The following C16orf96 variants were observed in gnomAD, a reference collection of about 807,000 sequenced individuals.
The protein encoded by C16orf96 is chromosome 16 open reading frame 96, also known as uncharacterized protein C16orf96.
In C16orf96, 108 loss-of-function variants were observed where a neutral mutation model predicts 103.6. That is an observed-to-expected ratio of 1.04 (90% CI 0.89 to 1.22). C16orf96 has a LOEUF of 1.22. Ranked by LOEUF, C16orf96 falls within the 50% of genes most tolerant of loss-of-function variation. The pLI, the probability that C16orf96 is intolerant of heterozygous loss-of-function variation, is 0.00. For missense variants in C16orf96, 1,586 were observed against 1,464.2 expected (o/e 1.08, Z -1.36); for synonymous variants, 566 against 593.5 (o/e 0.95, Z 0.67).
chr16:4,582,954 G>T (rs1487843922), intron 7 of C16orf96, among the ~76,000 whole-genome samples: 1 of 152,114 alleles, frequency 6.6e-6, no homozygotes, highest in African/African-American at 2.4e-5. Flanking sequence ...TTTCATTGCT[G>T]GCCAGGCTCG....
At chr16:4,551,927 G>A (rs542334951), upstream of C16orf96, among the ~76,000 whole-genome samples, 11 of 151,628 alleles carry the variant, frequency 7.3e-5, no homozygotes, top group African/African-American at 2.4e-4. Flanking sequence ...CCCACCCCAC[G>A]ACAGGCCCCG....
chr16:4,556,816 A>G lies in C16orf96; in HGVS notation c.327A>G (p.Glu109=). 1.3e-6 allele frequency: 2 copies of G among 1,551,642 alleles called. No homozygotes were observed. Among genetic ancestry groups the G allele is most frequent in the Non-Finnish European group, 8.7e-7 (1 of 1,147,000 alleles). ...QDLPSTAQLL[E]ASQGTARPVQ... is the part of the protein sequence containing the mutation. Reference sequence around the variant, plus strand: ...TGCCCTCCACTGCCCAGCTGCTGGAAGCCAGCCAGGGCACTGCCCGGCCCG... The same window carrying G: ...TGCCCTCCACTGCCCAGCTGCTGGAGGCCAGCCAGGGCACTGCCCGGCCCG... The change falls in exon 1 of 16, where the codon GAA becomes GAG. Residue 109 remains glutamate, a synonymous_variant. Coordinates refer to ENST00000444310, the MANE Select transcript of C16orf96 (RefSeq NM_001145011.2).
chr16:4,571,759 G>A, intron 2 of C16orf96, 94 bp downstream of exon 2: 1 of 1,117,158 alleles, frequency 9.0e-7, no homozygotes, highest in Non-Finnish European at 1.3e-6. Context: ...TTACTGTTAG[G>A]CCAAGAGTGC....
intron 1 of C16orf96, among the ~76,000 whole-genome samples, chr16:4,565,038 C>T (rs1234885408): frequency 6.6e-6 from 1 of 152,076 alleles, no homozygotes; most frequent in African/African-American, 2.4e-5. Context: ...TTTCCAAAGT[C>T]CCACATGTGA....
At chr16:4,594,100 C>T (rs1257482806) in intron 12 of C16orf96, among the ~76,000 whole-genome samples, 4 of 152,214 alleles carry the variant, frequency 2.6e-5, no homozygotes, top group East Asian at 1.9e-4. Context: ...TAGAAGGACA[C>T]GCTCTTCAGG....
At chr16:4,580,223 T>C in intron 7 of C16orf96, 98 bp downstream of exon 7, 1 of 913,682 alleles carries the variant, frequency 1.1e-6, no homozygotes. Flanking sequence ...GAGGTGGGGA[T>C]GCACTTGAGG....
At chr16:4,566,354 T>C (rs2059385487) in intron 1 of C16orf96, among the ~76,000 whole-genome samples, 1 of 152,228 alleles carries the variant, frequency 6.6e-6, no homozygotes, top group Admixed American at 6.5e-5. Context: ...TATCTGACTT[T>C]CGCTTCTGAC....
At position 4,576,221 on chromosome 16, in the gene C16orf96, G is replaced by A; in HGVS notation, c.1741G>A (p.Ala581Thr). 6.4e-7 allele frequency: 1 copy of A among 1,550,798 alleles called. No individual in the cohort carries two copies. The highest frequency in any genetic ancestry group is 8.7e-7 in the Non-Finnish European group (1 of 1,146,994). Residue 581 changes from alanine to threonine, a missense_variant, in exon 5 of 16, where the codon GCC becomes ACC. Ala to Thr is a moderately conservative substitution (Grantham distance 58, BLOSUM62 0). Coordinates refer to ENST00000444310, the MANE Select transcript of C16orf96 (RefSeq NM_001145011.2). Reference sequence around the variant, plus strand: ...CGCTGCCGCCGCAGCCTACGCCGCTGCCACATCCTCCGCTGCCCAGGCAGC... The same window carrying A: ...CGCTGCCGCCGCAGCCTACGCCGCTACCACATCCTCCGCTGCCCAGGCAGC... ...AAAAAAAYAAATSSAAQAAKV... is the reference protein window; with the variant it reads ...AAAAAAAYAATTSSAAQAAKV...
chr16:4,585,686 G>C (rs192539303), intron 7 of C16orf96, among the ~76,000 whole-genome samples: 1 of 152,220 alleles, frequency 6.6e-6, no homozygotes, highest in African/African-American at 2.4e-5. Context: ...TCTGGAGGCG[G>C]GAATTCTGAA....
At position 4,576,631 on chromosome 16, in the gene C16orf96, T is replaced by C. The variant is rs2059513942; in HGVS notation, c.2151T>C (p.Tyr717=). ...GTAACCTGAACCAGCGCTTGAGTTA[T>C]CTAGGTAGGCCTGGTCTGGCCCTGG... ...LSCNLNQRLS[Y]LANMGGPSSL... Residue 717 remains tyrosine, a synonymous_variant, in exon 5 of 16, where the codon TAT becomes TAC. Transcript: ENST00000444310. 8 of 1,550,026 alleles carry C rather than the reference T, an allele frequency of 5.2e-6. No individual in the cohort carries two copies. The East Asian group carries it at 1.7e-4, about 33-fold the overall frequency.
At chr16:4,541,930 G>A in the C16orf96 span, among the ~76,000 whole-genome samples, 3 of 152,218 alleles carry the variant, frequency 2.0e-5, no homozygotes, top group Non-Finnish European at 4.4e-5. Context: ...TCCCCCAGAA[G>A]CAGTGGTTCA....
intron 2 of C16orf96, among the ~76,000 whole-genome samples, chr16:4,574,296 C>T (rs769800330): frequency 6.6e-5 from 10 of 152,168 alleles, no homozygotes; most frequent in Non-Finnish European, 1.2e-4. Context: ...CATCTCAGCT[C>T]ACTGCAACCT....
At chr16:4,578,241 C>A (rs916574903) in intron 5 of C16orf96, among the ~76,000 whole-genome samples, 1 of 152,070 alleles carries the variant, frequency 6.6e-6, no homozygotes, top group Non-Finnish European at 1.5e-5. Flanking sequence ...CTCCTGGGTT[C>A]GAGAGATTCT....
At chr16:4,546,873 T>C in the C16orf96 span, among the ~76,000 whole-genome samples, 5 of 152,206 alleles carry the variant, frequency 3.3e-5, no homozygotes, top group Non-Finnish European at 5.9e-5. Flanking sequence ...TAAAAAGGAA[T>C]GAAGCACTGA....
Position 4,594,787 on chromosome 16 carries a change from C to T in C16orf96, c.3111C>T (p.Val1037=), listed in dbSNP as rs564571886. 1,008 of 1,550,598 alleles carry T rather than the reference C, an allele frequency of 6.5e-4. 2 individuals carry two copies. The highest frequency in any genetic ancestry group is 8.3e-4 in the Non-Finnish European group (947 of 1,146,860). The part of the protein sequence containing the change: ...NSQRGAQPLA[V]AKELAAVKAP... The stretch of plus-strand genomic sequence containing the variant: ...AGCGTGGGGCTCAGCCCTTGGCCGT[C>T]GCAAAGGAGCTGGCAGGTGAGGGGC... Residue 1037 remains valine, a synonymous_variant, in exon 14 of 16, where the codon GTC becomes GTT. Transcript: ENST00000444310.
At chr16:4,557,040 G>A (rs191095995) in intron 1 of C16orf96, 131 bp downstream of exon 1, 1 of 1,052,048 alleles carries the variant, frequency 9.5e-7, no homozygotes, top group Non-Finnish European at 1.3e-6. Context: ...TGTGATCTTG[G>A]CTCACTGCAA....
At chr16:4,586,664 A>G (rs1802778358) in intron 7 of C16orf96, among the ~76,000 whole-genome samples, 1 of 152,198 alleles carries the variant, frequency 6.6e-6, no homozygotes, top group Non-Finnish European at 1.5e-5. Flanking sequence ...ATAAGTGCTC[A>G]GTTCATAGTA....
chr16:4,578,540 A>G (rs2059541825), intron 5 of C16orf96, among the ~76,000 whole-genome samples: 1 of 152,118 alleles, frequency 6.6e-6, no homozygotes, highest in Non-Finnish European at 1.5e-5. Flanking sequence ...AAGGCGGATC[A>G]CGAGGTCAAG....
chr16:4,548,489 C>A, the C16orf96 span, among the ~76,000 whole-genome samples: 3 of 152,220 alleles, frequency 2.0e-5, no homozygotes, highest in African/African-American at 7.2e-5. Flanking sequence ...TACCAGAAGA[C>A]CATTCTCCCA....
Sources: allele counts gnomAD v4.1 joint callset (sites outside exome capture counted in the v4.1 genomes callset), GRCh38; gene constraint gnomAD v4.1.1; transcripts MANE v1.5; gene names NCBI Gene and HGNC (gene_info 2026-07-23, HGNC 2026-07-21).